LIN9: variants seen among roughly 807,000 people sequenced by gnomAD.
LIN9 encodes protein lin-9 homolog.
A neutral mutation model predicts 78.0 loss-of-function variants in LIN9; 18 were observed. The observed-to-expected ratio is 0.23, with a 90% CI of 0.16 to 0.34. The LOEUF is 0.34. Among genes scored for constraint, LIN9 ranks in the 10% least tolerant of loss-of-function variants. The probability of loss-of-function intolerance (pLI) is 1.00; values close to 1 mark genes in which losing one functional copy is unlikely to be tolerated. For synonymous variants in LIN9, 192 were observed against 215.2 expected, an observed-to-expected ratio of 0.89 and a Z score of 0.94; for missense variants, 451 against 644.1, an observed-to-expected ratio of 0.70 and a Z score of 3.25.
At chr1:226,255,550 A>G (rs926326764) in intron 10 of LIN9, among the ~76,000 whole-genome samples, 4 of 150,694 alleles carry the variant, frequency 2.7e-5, no homozygotes, top group Non-Finnish European at 5.9e-5. Flanking sequence ...GCCAGGAGGC[A>G]AAAAAAAACA....
intron 10 of LIN9, among the ~76,000 whole-genome samples, chr1:226,258,136 G>A (rs147733174): frequency 7.2e-5 from 11 of 151,758 alleles, no homozygotes; most frequent in Non-Finnish European, 1.0e-4. Flanking sequence ...GTGAGCCACC[G>A]CACTCCAGCC....
rs761232135 is a variant in LIN9, at chr1:226,292,612, C to T, written c.264+3230G>A. Among the ~76,000 whole-genome samples, 31 of 152,026 alleles carry T rather than the reference C, an allele frequency of 2.0e-4. 1 individual carries two copies. The highest frequency in any genetic ancestry group is 1.5e-3 in the South Asian group (7 of 4,782). On this transcript the variant is annotated intron_variant, in intron 4 of 14. Transcript: ENST00000681046. The stretch of plus-strand genomic sequence containing the variant: ...GGTACCACAGGTGCCCACCACCATG[C>T]CTGGCTAATTTTTAAAAAAAATTTT...
chr1:226,263,719 T>C (rs1313660433), intron 10 of LIN9, among the ~76,000 whole-genome samples: 13 of 152,202 alleles, frequency 8.5e-5, no homozygotes, highest in Admixed American at 8.5e-4. Context: ...TCATATAAAA[T>C]ATCCATCTGC....
At chr1:226,297,846 G>A in intron 2 of LIN9, 33 bp from the exon 3 acceptor site, 2 of 1,342,492 alleles carry the variant, frequency 1.5e-6, no homozygotes, top group Non-Finnish European at 2.0e-6. Context: ...ATGGAATTTT[G>A]GCTTAGTTCA....
At chr1:226,302,368 C>T (rs1272767770) in intron 1 of LIN9, among the ~76,000 whole-genome samples, 1 of 151,994 alleles carries the variant, frequency 6.6e-6, no homozygotes, top group Admixed American at 6.6e-5. Context: ...ACGGTGAAAA[C>T]CCGTCTCTAC....
At chr1:226,275,717 A>C (rs887838493) in intron 7 of LIN9, among the ~76,000 whole-genome samples, 7 of 143,254 alleles carry the variant, frequency 4.9e-5, no homozygotes. Flanking sequence ...AAAAAAGAAA[A>C]AAAGAAAAAA....
chr1:226,250,273 T>A (rs1461501493), intron 11 of LIN9, among the ~76,000 whole-genome samples: 4 of 152,146 alleles, frequency 2.6e-5, no homozygotes, highest in Non-Finnish European at 5.9e-5. Flanking sequence ...GTTGTCAAGA[T>A]AACCTAAAGA....
At chr1:226,282,167 TTTTTG>T (rs1176004543) in intron 6 of LIN9, among the ~76,000 whole-genome samples, 4 of 152,300 alleles carry the variant, frequency 2.6e-5, no homozygotes, top group Non-Finnish European at 4.4e-5. Flanking sequence ...CCATCTTCTG[TTTTTG>T]TTTTATGTTA....
At chr1:226,262,768 G>A (rs1659671629) in intron 10 of LIN9, among the ~76,000 whole-genome samples, 1 of 152,094 alleles carries the variant, frequency 6.6e-6, no homozygotes, top group Non-Finnish European at 1.5e-5. Flanking sequence ...ATATGAACCA[G>A]CAATTACACT....
At chr1:226,260,651 T>C (rs928678439) in intron 10 of LIN9, among the ~76,000 whole-genome samples, 1 of 132,012 alleles carries the variant, frequency 7.6e-6, no homozygotes, top group Admixed American at 7.6e-5. Context: ...TTTTTTTTTT[T>C]TTTTTTTTTT....
intron 7 of LIN9, among the ~76,000 whole-genome samples, chr1:226,270,250 A>C (rs1208278024): frequency 1.3e-5 from 2 of 152,146 alleles, no homozygotes; most frequent in African/African-American, 2.4e-5. Flanking sequence ...ATATGCAGAC[A>C]CAGGGGTAAC....
chr1:226,270,109 T>G (rs1199242228), intron 7 of LIN9, among the ~76,000 whole-genome samples: 2 of 151,958 alleles, frequency 1.3e-5, no homozygotes, highest in Non-Finnish European at 2.9e-5. Context: ...GTATTTTTAG[T>G]AGAGACAGGG....
intron 4 of LIN9, among the ~76,000 whole-genome samples, chr1:226,289,016 A>G (rs1360928955): frequency 4.6e-5 from 7 of 152,184 alleles, no homozygotes; most frequent in Non-Finnish European, 7.3e-5. Context: ...AGATGGGCGG[A>G]TCACAAGGTC....
chr1:226,309,227 C>G, upstream of LIN9: 1 of 1,425,052 alleles, frequency 7.0e-7, no homozygotes, highest in Non-Finnish European at 9.3e-7. Context: ...GGTTCGAATG[C>G]GGAGCTCGCT....
upstream of LIN9, chr1:226,309,730 C>T: frequency 2.3e-6 from 3 of 1,287,866 alleles, no homozygotes; most frequent in South Asian, 3.7e-5. Flanking sequence ...GACTCGGTCC[C>T]AGCGGCCCCT....
intron 10 of LIN9, among the ~76,000 whole-genome samples, chr1:226,259,782 AG>A (rs1272419143): frequency 2.6e-5 from 4 of 152,264 alleles, no homozygotes; most frequent in African/African-American, 9.6e-5. Flanking sequence ...AGCAGTGCTT[AG>A]TGGGAAACTT....
chr1:226,238,190 T>C (rs375837329), intron 12 of LIN9, among the ~76,000 whole-genome samples: 2 of 152,316 alleles, frequency 1.3e-5, no homozygotes, highest in Admixed American at 6.5e-5. Context: ...CAAGAATTCA[T>C]AGTTCTAATG....
intron 1 of LIN9, among the ~76,000 whole-genome samples, chr1:226,303,714 T>G (rs1662711766): frequency 6.6e-6 from 1 of 152,206 alleles, no homozygotes; most frequent in Non-Finnish European, 1.5e-5. Context: ...CAAGAAATTC[T>G]CCCCACCTCA....
At chr1:226,309,619 TACTC>T (rs1329565656), upstream of LIN9, 4 of 1,263,726 alleles carry the variant, frequency 3.2e-6, no homozygotes, top group African/African-American at 3.1e-5. Context: ...CAAAGTGAAA[TACTC>T]ACAGTTCCCG....
Sources: allele counts gnomAD v4.1 joint callset (sites outside exome capture counted in the v4.1 genomes callset), GRCh38; gene constraint gnomAD v4.1.1; transcripts MANE v1.5; gene names NCBI Gene and HGNC (gene_info 2026-07-23, HGNC 2026-07-21).